CACNA2D4: variants seen among roughly 807,000 people sequenced by gnomAD.
CACNA2D4 encodes calcium voltage-gated channel auxiliary subunit alpha2delta 4, also known as voltage-dependent calcium channel subunit alpha-2/delta-4.
CACNA2D4 carries 157 observed loss-of-function variants against 163.8 expected under a neutral mutation model. That is an observed-to-expected ratio of 0.96 (90% confidence interval 0.84 to 1.09). The LOEUF (loss-of-function observed/expected upper bound fraction) is 1.09. Among genes scored for constraint, CACNA2D4 ranks in the 50% least tolerant of loss-of-function variants. The probability of loss-of-function intolerance (pLI) is 0.00; values close to 1 mark genes in which losing one functional copy is unlikely to be tolerated. For synonymous variants in CACNA2D4, 598 were observed against 586.9 expected (o/e 1.02, Z -0.27); for missense variants, 1,410 against 1,479.9 (o/e 0.95, Z 0.78).
chr12:1,845,871 C>T (rs1420525558), intron 24 of CACNA2D4, among the ~76,000 whole-genome samples: 1 of 152,234 alleles, frequency 6.6e-6, no homozygotes, highest in Non-Finnish European at 1.5e-5. Flanking sequence ...GGCCTCCACC[C>T]ACTAGGTGCC....
At chr12:1,812,319 C>G (rs1863739427) in intron 26 of CACNA2D4, among the ~76,000 whole-genome samples, 1 of 152,204 alleles carries the variant, frequency 6.6e-6, no homozygotes, top group African/African-American at 2.4e-5. Context: ...AAACTACAGG[C>G]ACCACCAGCT....
At position 1,834,420 on chromosome 12, in the gene CACNA2D4, A is replaced by G. The variant is rs1864761842; in HGVS notation, c.2551+6319T>C. On this transcript the variant is annotated intron_variant, in intron 26 of 37. Transcript: ENST00000382722. The surrounding 1 kb of genome is among the most constrained non-coding windows in gnomAD (Gnocchi z 7.6). The stretch of plus-strand genomic sequence containing the variant: ...GATATTCCTGGGCCACCCTGCACCA[A>G]GGCCAGTCCAGAGCCTGCTAAGCCC... 1 of 1,612,970 alleles carries G rather than the reference A, an allele frequency of 6.2e-7. No homozygotes were observed. The highest frequency in any genetic ancestry group is 1.1e-5 in the South Asian group (1 of 91,074).
In CACNA2D4 at chr12:1,844,465, G is replaced by A. The variant is rs201050373; in HGVS notation, c.2407C>T (p.Arg803Cys). 1.5e-5 allele frequency: 24 copies of A among 1,613,028 alleles called. No individual in the cohort carries two copies. The highest frequency in any genetic ancestry group is 2.2e-5 in the South Asian group (2 of 90,924). Residue 803 changes from arginine (R) to cysteine (C), a missense_variant, in exon 25 of 38, where the codon CGC becomes TGC. By Grantham distance (180) the Arg-to-Cys change is radical. Transcript: ENST00000382722. This position sits in a 1 kb window ranked among gnomAD's most constrained non-coding sequence, Gnocchi z 4.2. ...CCAGCAGGATGCTCTGAGGCCTGGC[G>A]GTACCACAGCGGGAAGCGGTCCAGG... ...FTLDRFPLWY[R>C]QASEHPAGSF...
rs773070069 is a variant in CACNA2D4 at position 1,828,450 on chromosome 12, G to A, written c.2551+12289C>T. On this transcript the variant is annotated intron_variant, in intron 26 of 37. Coordinates refer to ENST00000382722, the MANE Select transcript of CACNA2D4 (RefSeq NM_172364.5). This position sits in a 1 kb window ranked among gnomAD's most constrained non-coding sequence, Gnocchi z 4.2. ...TGAGTGGTTAGACCTGGAGCTGGAG[G>A]CCACGACAGTTGTTCTACCTCCCCC... Among the ~76,000 whole-genome samples the A allele has an allele frequency of 3.9e-5, 6 of 152,244 alleles. No homozygotes were observed. The highest frequency in any genetic ancestry group is 7.4e-5 in the Non-Finnish European group (5 of 68,024).
Position 1,875,831 on chromosome 12 carries a change from G to A in CACNA2D4, c.1720-494C>T, listed in dbSNP as rs1565723605. 6.6e-6 allele frequency among the ~76,000 whole-genome samples: 1 copy of A among 152,176 alleles called. No individual in the cohort carries two copies. The highest frequency in any genetic ancestry group is 1.5e-5 in the Non-Finnish European group (1 of 68,036). ...TGCCTCAGCTCCCTCTGAATATGTT[G>A]TACTTTGTCTTCAATGTCACTCTCA... On this transcript the variant is annotated intron_variant, in intron 16 of 37. Transcript: ENST00000382722. This position sits in a 1 kb window ranked among gnomAD's most constrained non-coding sequence, Gnocchi z 4.0.
chr12:1,803,166 A>G (rs1863396628), intron 29 of CACNA2D4, among the ~76,000 whole-genome samples: 1 of 152,268 alleles, frequency 6.6e-6, no homozygotes, highest in Non-Finnish European at 1.5e-5. Context: ...AAAGCCAGGC[A>G]TTGTCTGGGT....
intron 26 of CACNA2D4, among the ~76,000 whole-genome samples, chr12:1,825,614 G>A (rs1056411636): frequency 6.6e-6 from 1 of 152,224 alleles, no homozygotes; most frequent in Admixed American, 6.5e-5. Flanking sequence ...ATGTGTGCAA[G>A]CATGTGGGCA....
chr12:1,837,704 G>A (rs933536296), intron 26 of CACNA2D4, among the ~76,000 whole-genome samples: 3 of 152,142 alleles, frequency 2.0e-5, no homozygotes, highest in African/African-American at 7.2e-5. Context: ...GAGCTGGGGT[G>A]TCCGCCTTCC....
rs2154445427 is a variant in CACNA2D4, at chr12:1,802,929, T to G, written c.2722-1285A>C. Among the ~76,000 whole-genome samples, 2 of 152,358 alleles carry G rather than the reference T, an allele frequency of 1.3e-5. No homozygotes were observed. The highest frequency in any genetic ancestry group is 4.8e-5 in the African/African-American group (2 of 41,578). Reference sequence around the variant, plus strand: ...GTATGAGAACAGGACCATGTCTTACTCATCTCTGAATTCCCCAAAGTGTCT... The same window carrying G: ...GTATGAGAACAGGACCATGTCTTACGCATCTCTGAATTCCCCAAAGTGTCT... On this transcript the variant is annotated intron_variant, in intron 29 of 37. Coordinates refer to ENST00000382722, the MANE Select transcript of CACNA2D4 (RefSeq NM_172364.5). The surrounding 1 kb of genome is among the most constrained non-coding windows in gnomAD (Gnocchi z 4.7).
At chr12:1,797,324 G>C in intron 35 of CACNA2D4, 94 bp downstream of exon 35, 2 of 931,546 alleles carry the variant, frequency 2.1e-6, no homozygotes, top group South Asian at 2.8e-5. Context: ...CTGTGGAGCC[G>C]TTTCCCGGGG....
Position 1,907,992 on chromosome 12 carries a change from C to T in CACNA2D4, c.532G>A (p.Gly178Ser), listed in dbSNP as rs776952363. The T allele has an allele frequency of 1.4e-5, 23 of 1,614,034 alleles. No homozygotes were observed. Among genetic ancestry groups the T allele is most frequent in the Non-Finnish European group, 1.8e-5 (21 of 1,179,888 alleles). Residue 178 changes from glycine to serine, a missense_variant, in exon 5 of 38, where the codon GGC becomes AGC. Transcript: ENST00000382722. Reference protein sequence around the residue: ...SVLINERDEKGNFVELGAEFL... With the variant: ...SVLINERDEKSNFVELGAEFL... ...TCGGCGCCCAGCTCCACGAAGTTGC[C>T]CTTCTCGTCCCTCTCGTTGATCAGG...
intron 16 of CACNA2D4, among the ~76,000 whole-genome samples, chr12:1,877,979 C>T (rs1865915667): frequency 6.6e-6 from 1 of 152,212 alleles, no homozygotes; most frequent in East Asian, 1.9e-4. Flanking sequence ...TGCTTAGCTC[C>T]TTGTTCACCC....
In CACNA2D4 at chr12:1,810,552, G is replaced by A. The variant is rs184770223; in HGVS notation, c.2649C>T (p.Cys883=). The part of the protein sequence containing the change: ...STVDGPCTQS[C]EDSDLDCFVI... ...CACGGGCAGAACTTACACTGTCCTC[G>A]CAGCTCTGTGTGCACGGCCCATCCA... Residue 883 remains cysteine (C), a synonymous_variant, in exon 28 of 38, where the codon TGC becomes TGT. Transcript: ENST00000382722. 5.1e-4 allele frequency: 791 copies of A among 1,553,586 alleles called. 9 individuals are homozygous for A. In the Admixed American group the frequency reaches 0.012, roughly 23 times the overall value.
rs551610805 is a variant in CACNA2D4 at position 1,894,401 on chromosome 12, C to T, written c.782-7332G>A. On this transcript the variant is annotated intron_variant, in intron 6 of 37. Coordinates refer to ENST00000382722, the MANE Select transcript of CACNA2D4 (RefSeq NM_172364.5). ...CTCGTTCTGTGAGGCCAGCATTACT[C>T]TAATATCAAAACCAGATAAAGACAC... Among the ~76,000 whole-genome samples the T allele has an allele frequency of 2.0e-5, 3 of 152,246 alleles. No homozygotes were observed. The East Asian group carries it at 5.8e-4, about 29-fold the overall frequency.
At position 1,830,070 on chromosome 12, in the gene CACNA2D4, G is replaced by A. The variant is rs1864552973; in HGVS notation, c.2551+10669C>T. On this transcript the variant is annotated intron_variant, in intron 26 of 37. Coordinates refer to ENST00000382722, the MANE Select transcript of CACNA2D4 (RefSeq NM_172364.5). The stretch of plus-strand genomic sequence containing the variant: ...GGGTCTTGGGCAAAAGATGGGACCA[G>A]GAAACGAATTCTATTCATCGGGCCA... Among the ~76,000 whole-genome samples, 3 of 152,212 alleles carry A rather than the reference G, an allele frequency of 2.0e-5. No homozygotes were observed. The South Asian group carries it at 6.2e-4, about 31-fold the overall frequency.
At position 1,917,375 on chromosome 12, in the gene CACNA2D4, G is replaced by A. The variant is rs576461066; in HGVS notation, c.227+872C>T. On this transcript the variant is annotated intron_variant, in intron 1 of 37. Transcript: ENST00000382722. This position sits in a 1 kb window ranked among gnomAD's most constrained non-coding sequence, Gnocchi z 4.3. Reference sequence around the variant, plus strand: ...GTCAGCAAAGGCTAAGCACAGGCACGGTGTGTCATTTAGGCTCCCTGTCCC... The same window carrying A: ...GTCAGCAAAGGCTAAGCACAGGCACAGTGTGTCATTTAGGCTCCCTGTCCC... Among the ~76,000 whole-genome samples, 3 of 152,252 alleles carry A rather than the reference G, an allele frequency of 2.0e-5. No individual in the cohort carries two copies. The highest frequency in any genetic ancestry group is 2.1e-4 in the South Asian group (1 of 4,820).
chr12:1,851,676 T>TGTGTGTGTGTGC (rs1332982301), intron 23 of CACNA2D4, among the ~76,000 whole-genome samples: 4 of 53,238 alleles, frequency 7.5e-5, no homozygotes, highest in Non-Finnish European at 1.4e-4. Context: ...TGTGTGTGTG[T>TGTGTGTGTGTGC]GCGTTTTTTT....
At chr12:1,860,012 C>A in intron 19 of CACNA2D4, 133 bp downstream of exon 19, 1 of 679,342 alleles carries the variant, frequency 1.5e-6, no homozygotes, top group African/African-American at 1.8e-5. Context: ...ACTGGCAAAG[C>A]AGGTCTACAC....
At chr12:1,873,809 C>A (rs1387015615) in intron 18 of CACNA2D4, among the ~76,000 whole-genome samples, 1 of 152,212 alleles carries the variant, frequency 6.6e-6, no homozygotes, top group Non-Finnish European at 1.5e-5. Flanking sequence ...CAGATGCCAC[C>A]AAAATCAGAC....
Sources: allele counts gnomAD v4.1 joint callset (sites outside exome capture counted in the v4.1 genomes callset), GRCh38; gene constraint gnomAD v4.1.1; non-coding constraint Gnocchi (gnomAD v3.1); transcripts MANE v1.5; gene names NCBI Gene and HGNC (gene_info 2026-07-23, HGNC 2026-07-21).